The following ZNF831 variants were observed in gnomAD, a reference collection of about 807,000 sequenced individuals.
ZNF831 encodes zinc finger protein 831.
ZNF831 carries 59 observed loss-of-function variants against 95.8 expected under a neutral mutation model. The observed-to-expected ratio is 0.62, with a 90% CI of 0.50 to 0.77. ZNF831 has a LOEUF of 0.77. Among genes scored for constraint, ZNF831 ranks in the 30% least tolerant of loss-of-function variants. The pLI, the probability that ZNF831 is intolerant of heterozygous loss-of-function variation, is 0.00. For missense variants in ZNF831, 2,205 were observed against 2,164.0 expected (o/e 1.02, Z -0.38); for synonymous variants, 961 against 925.5 (o/e 1.04, Z -0.70).
rs1275763719 is a variant in ZNF831, at chr20:59,163,948, C to T, written c.-296C>T. On this transcript the variant is annotated 5_prime_UTR_variant, in exon 1 of 6. Transcript: ENST00000371030. ...GCCCTCTTTTATTTTATTTTATTTTCTAAGGCTCAGGGAGCATCTCTCCGT... is the reference window on the plus strand; with the variant it reads ...GCCCTCTTTTATTTTATTTTATTTTTTAAGGCTCAGGGAGCATCTCTCCGT... Among the ~76,000 whole-genome samples the T allele has an allele frequency of 1.3e-5, 2 of 152,096 alleles. No homozygotes were observed. The highest frequency in any genetic ancestry group is 4.8e-5 in the African/African-American group (2 of 41,398).
intron 1 of ZNF831, among the ~76,000 whole-genome samples, chr20:59,185,943 G>A (rs564875461): frequency 2.0e-5 from 3 of 149,056 alleles, no homozygotes; most frequent in Non-Finnish European, 2.9e-5. Flanking sequence ...CCTATTCTCC[G>A]ACTCAGCATT....
At chr20:59,182,140 G>A (rs531762960) in intron 1 of ZNF831, among the ~76,000 whole-genome samples, 11 of 152,228 alleles carry the variant, frequency 7.2e-5, no homozygotes, top group East Asian at 5.8e-4. Context: ...TCCCTGCTGC[G>A]TGGATTAGAT....
At chr20:59,184,929 TG>T (rs1200386337) in intron 1 of ZNF831, among the ~76,000 whole-genome samples, 1 of 151,904 alleles carries the variant, frequency 6.6e-6, no homozygotes, top group Non-Finnish European at 1.5e-5. Context: ...TAACTGTTTG[TG>T]GGGGGGAATT....
At chr20:59,139,088 A>G (rs1231534418) in intron 1 of ZNF831, among the ~76,000 whole-genome samples, 1 of 152,172 alleles carries the variant, frequency 6.6e-6, no homozygotes, top group African/African-American at 2.4e-5. Flanking sequence ...ATTTATAAAT[A>G]AAGTGTTTCT....
rs1394980479 is a variant in ZNF831, at chr20:59,257,967, T to C, written c.*3224T>C. On this transcript the variant is annotated 3_prime_UTR_variant, in exon 6 of 6. Transcript: ENST00000371030. ...TATGGAGGGAAGAGGTTTCAATCCTTCCCTCCTTGGCAACCTACATTGTTA... is the reference window on the plus strand; with the variant it reads ...TATGGAGGGAAGAGGTTTCAATCCTCCCCTCCTTGGCAACCTACATTGTTA... The C allele has an allele frequency of 6.6e-6, 1 of 152,186 alleles. No homozygotes were observed. The highest frequency in any genetic ancestry group is 1.5e-5 in the Non-Finnish European group (1 of 68,036). The allele number at this position is 152,186 out of a possible 1,614,324, so 9.4% of individuals were successfully genotyped here. A position where few individuals can be genotyped will look rare whatever the true frequency, so the allele number is the denominator to read the frequency against.
intron 1 of ZNF831, among the ~76,000 whole-genome samples, chr20:59,167,341 C>T (rs1261364849): frequency 6.6e-6 from 1 of 151,148 alleles, no homozygotes; most frequent in African/African-American, 2.4e-5. Flanking sequence ...ATATAAGTCC[C>T]TTGTCAGATA....
chr20:59,257,531 T>G lies in ZNF831; in HGVS notation c.*2788T>G, dbSNP rs1988238851. The G allele has an allele frequency of 6.6e-6, 1 of 152,182 alleles. No homozygotes were observed. Among genetic ancestry groups the G allele is most frequent in the South Asian group, 2.1e-4 (1 of 4,834 alleles). The allele number at this position is 152,182 out of a possible 1,614,324, so 9.4% of individuals were successfully genotyped here. A position where few individuals can be genotyped will look rare whatever the true frequency, so the allele number is the denominator to read the frequency against. ...TAAGAATACATTTTAAGGGTAACAT[T>G]AACAACCTAGAACCCAGTTTGGGTT... is the stretch of plus-strand genomic sequence containing the variant. On this transcript the variant is annotated 3_prime_UTR_variant, in exon 6 of 6. Transcript: ENST00000371030.
intron 4 of ZNF831, among the ~76,000 whole-genome samples, chr20:59,232,994 G>GCACA (rs59267396): frequency 0.084 from 10,287 of 122,938 alleles, 467 homozygotes; most frequent in Admixed American, 0.099. Context: ...GGACCCTGAG[G>GCACA]CACACACACA....
At chr20:59,234,755 G>A (rs1009332536) in intron 4 of ZNF831, among the ~76,000 whole-genome samples, 13 of 152,176 alleles carry the variant, frequency 8.5e-5, no homozygotes, top group African/African-American at 2.9e-4. Flanking sequence ...GAATTGGGCA[G>A]TTGTTGTTTT....
At chr20:59,149,745 G>T (rs925763712) in intron 2 of ZNF831, among the ~76,000 whole-genome samples, 3 of 152,232 alleles carry the variant, frequency 2.0e-5, no homozygotes, top group Non-Finnish European at 4.4e-5. Context: ...TGTTGACACT[G>T]TGTGGATGGC....
At chr20:59,241,309 T>C (rs533069824) in intron 4 of ZNF831, among the ~76,000 whole-genome samples, 63 of 151,776 alleles carry the variant, frequency 4.2e-4, no homozygotes, top group African/African-American at 1.5e-3. Flanking sequence ...ACCGGCCCCC[T>C]CTATTTTTTT....
chr20:59,166,668 A>C (rs1427872558), intron 1 of ZNF831, among the ~76,000 whole-genome samples: 1 of 152,210 alleles, frequency 6.6e-6, no homozygotes, highest in Non-Finnish European at 1.5e-5. Flanking sequence ...TATGAATGGA[A>C]TCATTCAGTG....
At chr20:59,218,682 T>C (rs1985874964) in intron 4 of ZNF831, among the ~76,000 whole-genome samples, 1 of 151,770 alleles carries the variant, frequency 6.6e-6, no homozygotes, top group Admixed American at 6.6e-5. Context: ...ACCCTGTCAC[T>C]GGGGATGTTG....
chr20:59,236,834 C>A (rs772314199), intron 4 of ZNF831, among the ~76,000 whole-genome samples: 7 of 152,120 alleles, frequency 4.6e-5, no homozygotes, highest in Non-Finnish European at 8.8e-5. Context: ...CTCTTTTTCT[C>A]CCCCATCCCA....
At chr20:59,218,671 G>A (rs1985874315) in intron 4 of ZNF831, among the ~76,000 whole-genome samples, 1 of 151,366 alleles carries the variant, frequency 6.6e-6, no homozygotes, top group South Asian at 2.1e-4. Context: ...GGCTGTCCTT[G>A]ACCCTGTCAC....
intron 2 of ZNF831, among the ~76,000 whole-genome samples, chr20:59,157,923 G>T (rs1287530858): frequency 6.6e-6 from 1 of 152,152 alleles, no homozygotes; most frequent in Non-Finnish European, 1.5e-5. Context: ...GGGGGAACCA[G>T]CTTTTCTTGT....
At chr20:59,149,045 T>G (rs1249132042) in intron 2 of ZNF831, among the ~76,000 whole-genome samples, 1 of 152,068 alleles carries the variant, frequency 6.6e-6, no homozygotes, top group Admixed American at 6.6e-5. Context: ...GTAACGAGGG[T>G]CTCCATCCCT....
chr20:59,154,679 C>A (rs757064054), intron 2 of ZNF831, among the ~76,000 whole-genome samples: 1 of 152,242 alleles, frequency 6.6e-6, no homozygotes, highest in Non-Finnish European at 1.5e-5. Flanking sequence ...CTTCTCTCCT[C>A]GCTCTGCCCA....
intron 4 of ZNF831, among the ~76,000 whole-genome samples, chr20:59,239,206 G>A (rs529324082): frequency 6.6e-6 from 1 of 152,042 alleles, no homozygotes; most frequent in Admixed American, 6.5e-5. Context: ...ATGATGGCCT[G>A]AGTGAGAAAA....
Sources: gnomAD v4.1 joint callset for allele counts (sites outside exome capture counted in the v4.1 genomes callset) on GRCh38, gnomAD v4.1.1 for gene constraint, MANE v1.5 for transcripts, NCBI Gene and HGNC (gene_info 2026-07-23, HGNC 2026-07-21) for gene names.